The following CCBE1 variants were observed in gnomAD, a reference collection of about 807,000 sequenced individuals.
CCBE1 encodes the protein collagen and calcium-binding EGF domain-containing protein 1.
Under a neutral mutation model 50.0 loss-of-function variants are expected in CCBE1, and 37 were observed. That is an observed-to-expected ratio of 0.74 (90% CI 0.57 to 0.97). CCBE1 has a LOEUF of 0.97. Ranked by LOEUF, CCBE1 falls within the 50% of genes least tolerant of loss-of-function variation. The pLI is 0.00. For missense variants in CCBE1, 538 were observed against 523.8 expected (o/e 1.03, Z -0.26); for synonymous variants, 234 against 203.7 (o/e 1.15, Z -1.27).
chr18:59,693,270 T>C (rs1369857299), intron 2 of CCBE1, among the ~76,000 whole-genome samples: 2 of 152,220 alleles, frequency 1.3e-5, no homozygotes, highest in Non-Finnish European at 2.9e-5. Context: ...AGCATTAGCA[T>C]TGCTTTCATG....
chr18:59,469,537 A>G lies in CCBE1; in HGVS notation c.336T>C (p.Thr112=). The change falls in exon 4 of 11, where the codon ACT becomes ACC. Residue 112 remains threonine (T), a synonymous_variant. Coordinates refer to ENST00000439986, the MANE Select transcript of CCBE1 (RefSeq NM_133459.4). ...CTDNFGRVLC[T]CYPGYRYDRE... ...GGTCATATCGGTATCCCGGATAACA[A>G]GTACACAGCACTCGGCCAAAGTTGT... 2.5e-6 allele frequency: 4 copies of G among 1,614,216 alleles called. No individual in the cohort carries two copies. The South Asian group carries it at 4.4e-5, about 18-fold the overall frequency.
chr18:59,439,442 G>A (rs1229723208), intron 9 of CCBE1, 101 bp downstream of exon 9: 15 of 1,410,352 alleles, frequency 1.1e-5, no homozygotes, highest in Non-Finnish European at 1.5e-5. Flanking sequence ...ACTCCAGCCT[G>A]GGTGACAGAG....
chr18:59,660,432 T>A (rs1328694291), intron 2 of CCBE1, among the ~76,000 whole-genome samples: 1 of 152,208 alleles, frequency 6.6e-6, no homozygotes, highest in Non-Finnish European at 1.5e-5. Flanking sequence ...TCATTCTCGG[T>A]GTACGGTATT....
intron 2 of CCBE1, among the ~76,000 whole-genome samples, chr18:59,589,591 C>G (rs1023146226): frequency 6.6e-6 from 1 of 151,934 alleles, no homozygotes; most frequent in Non-Finnish European, 1.5e-5. Context: ...GCCAGGAGAT[C>G]GAGACCATCC....
At position 59,453,251 on chromosome 18, in the gene CCBE1, C is replaced by G. The variant is rs889229595; in HGVS notation, c.654+1600G>C. ...GAGAGGTACATCTGGAGATATTGAT[C>G]GACTGCCTAACCCAAGCCCTTCTGG... On this transcript the variant is annotated intron_variant, in intron 6 of 10. Coordinates refer to ENST00000439986, the MANE Select transcript of CCBE1 (RefSeq NM_133459.4). Among the ~76,000 whole-genome samples the G allele has an allele frequency of 1.3e-5, 2 of 152,196 alleles. 1 individual carries two copies. The highest frequency in any genetic ancestry group is 1.3e-4 in the Admixed American group (2 of 15,284).
chr18:59,677,541 C>T (rs183632341), intron 2 of CCBE1, among the ~76,000 whole-genome samples: 16 of 152,174 alleles, frequency 1.1e-4, no homozygotes, highest in Admixed American at 4.6e-4. Context: ...AGTCTATACA[C>T]GCCACCAAAA....
intron 3 of CCBE1, among the ~76,000 whole-genome samples, chr18:59,473,748 C>G (rs76602799): frequency 1.3e-3 from 36 of 26,692 alleles, no homozygotes; most frequent in African/African-American, 1.5e-3. Flanking sequence ...TTTCCTCCCC[C>G]ACTACTCACC....
At chr18:59,529,349 A>G (rs1022094431) in intron 2 of CCBE1, among the ~76,000 whole-genome samples, 8 of 152,162 alleles carry the variant, frequency 5.3e-5, no homozygotes, top group African/African-American at 1.9e-4. Context: ...ACTGGAGCTC[A>G]GTTGCCTTAG....
Position 59,461,972 on chromosome 18 carries a change from G to A in CCBE1, c.553+4767C>T, listed in dbSNP as rs148957759. On this transcript the variant is annotated intron_variant, in intron 5 of 10. Transcript: ENST00000439986. ...TGGTCTTGAACTTCTGACCTCAGGC[G>A]TTCCTACCGCCTCAGCCTCCCAAAG... 3.6e-4 allele frequency among the ~76,000 whole-genome samples: 54 copies of A among 152,070 alleles called. 1 individual carries two copies. In the East Asian group the frequency reaches 7.7e-3, roughly 22 times the overall value.
At chr18:59,636,641 A>T (rs1345753655) in intron 2 of CCBE1, among the ~76,000 whole-genome samples, 2 of 152,236 alleles carry the variant, frequency 1.3e-5, no homozygotes, top group African/African-American at 4.8e-5. Flanking sequence ...TAAAACCAAC[A>T]TTTATAGAGA....
chr18:59,474,127 C>A, intron 3 of CCBE1, among the ~76,000 whole-genome samples: 1 of 152,182 alleles, frequency 6.6e-6, no homozygotes. Flanking sequence ...TTTTCTTTAT[C>A]CAATCCACTA....
At chr18:59,474,280 T>C (rs1464507456) in intron 3 of CCBE1, among the ~76,000 whole-genome samples, 6 of 152,228 alleles carry the variant, frequency 3.9e-5, no homozygotes, top group Non-Finnish European at 7.3e-5. Context: ...AGTTTCCCTC[T>C]AATATCTGAT....
At chr18:59,678,734 T>C (rs1004236644) in intron 2 of CCBE1, among the ~76,000 whole-genome samples, 5 of 152,180 alleles carry the variant, frequency 3.3e-5, no homozygotes, top group African/African-American at 1.2e-4. Flanking sequence ...GGTTTCGCCA[T>C]GTTGGCCAGG....
At chr18:59,592,324 C>T (rs2053282976) in intron 2 of CCBE1, among the ~76,000 whole-genome samples, 1 of 151,982 alleles carries the variant, frequency 6.6e-6, no homozygotes, top group Non-Finnish European at 1.5e-5. Context: ...GGGTCCTAGC[C>T]CCAAAAAATC....
intron 9 of CCBE1, 107 bp from the exon 10 acceptor site, chr18:59,438,253 C>T (rs991734052): frequency 3.9e-6 from 4 of 1,012,692 alleles, no homozygotes; most frequent in Non-Finnish European, 6.2e-6. Context: ...AAACAATAAA[C>T]ATTTTCTATA....
chr18:59,554,188 T>A (rs1004239574), intron 2 of CCBE1, among the ~76,000 whole-genome samples: 2 of 152,164 alleles, frequency 1.3e-5, no homozygotes, highest in African/African-American at 4.8e-5. Context: ...AGTCTCGCTA[T>A]GTTTCCCAGA....
intron 2 of CCBE1, among the ~76,000 whole-genome samples, chr18:59,530,368 C>A (rs1486054550): frequency 6.6e-6 from 1 of 152,030 alleles, no homozygotes; most frequent in African/African-American, 2.4e-5. Context: ...GTAGGTGATG[C>A]CACTTATAAT....
chr18:59,627,233 A>G (rs968325355), intron 2 of CCBE1, among the ~76,000 whole-genome samples: 1 of 152,238 alleles, frequency 6.6e-6, no homozygotes, highest in Non-Finnish European at 1.5e-5. Context: ...TATTCTGAGT[A>G]ATTATACAGA....
intron 2 of CCBE1, among the ~76,000 whole-genome samples, chr18:59,520,398 C>T (rs1004789947): frequency 1.1e-4 from 16 of 152,074 alleles, no homozygotes; most frequent in African/African-American, 3.9e-4. Context: ...TCCCTTGGTC[C>T]GTCAACAGAG....
Sources: gnomAD v4.1 joint callset for allele counts (sites outside exome capture counted in the v4.1 genomes callset) on GRCh38, gnomAD v4.1.1 for gene constraint, MANE v1.5 for transcripts, NCBI Gene and HGNC (gene_info 2026-07-23, HGNC 2026-07-21) for gene names.